HPS3: variants seen among roughly 807,000 people sequenced by gnomAD.
HPS3 encodes HPS3 biogenesis of lysosomal organelles complex 2 subunit 1, also known as BLOC-2 complex member HPS3.
In HPS3, 79 loss-of-function variants were observed where a neutral mutation model predicts 110.9. The ratio of observed to expected loss-of-function variants is 0.71; its 90% CI spans 0.59 to 0.86. The LOEUF is 0.86. HPS3 is among the 40% of genes least tolerant of loss of function. HPS3 has a pLI of 0.00. For missense variants in HPS3, 1,197 were observed against 1,206.2 expected, an observed-to-expected ratio of 0.99 and a Z score of 0.11; for synonymous variants, 428 against 451.0, an observed-to-expected ratio of 0.95 and a Z score of 0.65.
At chr3:149,154,806 A>T (rs987661639) in intron 7 of HPS3, among the ~76,000 whole-genome samples, 1 of 152,206 alleles carries the variant, frequency 6.6e-6, no homozygotes, top group African/African-American at 2.4e-5. Flanking sequence ...GCAGTCAAGG[A>T]TCTTTTCCTC....
chr3:149,150,495 T>G, intron 5 of HPS3, 104 bp from the exon 6 acceptor site: 1 of 798,924 alleles, frequency 1.3e-6, no homozygotes, highest in Non-Finnish European at 2.2e-6. Context: ...AATACTTGAC[T>G]GTCACCCCTG....
At chr3:149,157,228 C>A in intron 8 of HPS3, 122 bp from the exon 9 acceptor site, 2 of 904,488 alleles carry the variant, frequency 2.2e-6, no homozygotes, top group Non-Finnish European at 3.5e-6. Flanking sequence ...ATTTTGTTTA[C>A]TTTTAGGGTT....
rs1459143705 is a variant in HPS3 at position 149,129,658 on chromosome 3, G to T, written c.-66G>T. 35 of 1,259,900 alleles carry T rather than the reference G, an allele frequency of 2.8e-5. No homozygotes were observed. The highest frequency in any genetic ancestry group is 3.6e-5 in the Non-Finnish European group (34 of 940,924). The allele number at this position is 1,259,900 out of a possible 1,614,324, so 78.0% of individuals were successfully genotyped here. A position where few individuals can be genotyped will look rare whatever the true frequency, so the allele number is the denominator to read the frequency against. On this transcript the variant is annotated 5_prime_UTR_variant, in exon 1 of 17. Transcript: ENST00000296051. ...CTCGCGGAAGTAGTCCTACATTCGC[G>T]GTCAGCGCGGGGTCTCCGGGCGCCC...
chr3:149,133,656 C>G (rs912071465), intron 1 of HPS3, among the ~76,000 whole-genome samples: 3 of 152,186 alleles, frequency 2.0e-5, no homozygotes, highest in Non-Finnish European at 4.4e-5. Context: ...GTGACCACCA[C>G]CCTGATCAGT....
chr3:149,162,859 T>C lies in HPS3; in HGVS notation c.2462T>C (p.Leu821Ser). 1 of 1,613,790 alleles carries C rather than the reference T, an allele frequency of 6.2e-7. No homozygotes were observed. The highest frequency in any genetic ancestry group is 1.1e-5 in the South Asian group (1 of 91,084). ...SKRQPPDTTP[L>S]RTSEDLINAC... ...AGGCAGCCTCCTGACACCACACCAT[T>C]GCGAACATCGGAGGATCTGGTAAGA... is the stretch of plus-strand genomic sequence containing the variant. Residue 821 changes from leucine (L) to serine (S), a missense_variant, in exon 13 of 17, where the codon TTG becomes TCG. Coordinates refer to ENST00000296051, the MANE Select transcript of HPS3 (RefSeq NM_032383.5).
intron 9 of HPS3, 75 bp from the exon 10 acceptor site, chr3:149,158,591 C>A (rs1000886705): frequency 1.3e-5 from 18 of 1,349,422 alleles, no homozygotes; most frequent in Non-Finnish European, 1.7e-5. Context: ...AGTTTGAAAT[C>A]AGTCTGGGCA....
In HPS3 at chr3:149,153,479, A is replaced by T; in HGVS notation, c.1246-15A>T. The T allele has an allele frequency of 1.2e-6, 2 of 1,610,244 alleles. No homozygotes were observed. The highest frequency in any genetic ancestry group is 1.7e-6 in the Non-Finnish European group (2 of 1,176,538). ...CCTTTATTTCTTGCTTAAATATGTG[A>T]TTTTCCTTTACTAGGCTTGCCCACC... On this transcript the variant is annotated splice_polypyrimidine_tract_variant and intron_variant, in intron 6 of 16. Coordinates refer to ENST00000296051, the MANE Select transcript of HPS3 (RefSeq NM_032383.5).
chr3:149,159,903 T>C, intron 10 of HPS3, 143 bp from the exon 11 acceptor site: 3 of 671,030 alleles, frequency 4.5e-6, no homozygotes, highest in Middle Eastern at 3.9e-4. Context: ...TTTTGTCTTT[T>C]TAAAATTAAA....
Position 149,140,213 on chromosome 3 carries a change from C to T in HPS3, c.427C>T (p.Pro143Ser), listed in dbSNP as rs559742301. Residue 143 changes from proline (P) to serine (S), a missense_variant, in exon 2 of 17, where the codon CCT becomes TCT. Pro to Ser is a moderately conservative substitution (Grantham distance 74). Transcript: ENST00000296051. ...GGCCCCCTTGTGCATTTCCTGTTGC[C>T]CTGTGAAAGGAGACCTTCTCGTTGG... ...SEAPLCISCCPVKGDLLVGCT... is the reference protein window; with the variant it reads ...SEAPLCISCCSVKGDLLVGCT... The T allele has an allele frequency of 1.2e-5, 20 of 1,614,026 alleles. No homozygotes were observed. The South Asian group carries it at 2.1e-4, about 17-fold the overall frequency.
At position 149,142,949 on chromosome 3, in the gene HPS3, T is replaced by C. The variant is rs150832716; in HGVS notation, c.970+1569T>C. Among the ~76,000 whole-genome samples, 583 of 152,052 alleles carry C rather than the reference T, an allele frequency of 3.8e-3. 4 individuals are homozygous for C. Among genetic ancestry groups the C allele is most frequent in the African/African-American group, 0.013 (549 of 41,444 alleles). On this transcript the variant is annotated intron_variant, in intron 4 of 16. Transcript: ENST00000296051. The stretch of plus-strand genomic sequence containing the variant: ...AATTGGACTCACTTGGGAATAGGGT[T>C]GGGTTGGTGCAGGGGAGGGGAAGAG...
chr3:149,136,689 G>C (rs1356182052), intron 1 of HPS3, among the ~76,000 whole-genome samples: 6 of 152,188 alleles, frequency 3.9e-5, no homozygotes, highest in African/African-American at 9.7e-5. Flanking sequence ...GAACTCTAAA[G>C]CTCTGATCAT....
chr3:149,162,629 C>G, intron 12 of HPS3, 61 bp from the exon 13 acceptor site: 1 of 1,532,730 alleles, frequency 6.5e-7, no homozygotes, highest in Non-Finnish European at 9.0e-7. Flanking sequence ...TTCAGCCCAG[C>G]TGTCGCTTTA....
Position 149,160,243 on chromosome 3 carries a change from T to G in HPS3, c.2070T>G (p.Leu690=), listed in dbSNP as rs2108163237. ...CAGTGGCTCTGAAAATGGGAGATCTTGACATGCACAGAAATGAAATGAAAA... is the reference window on the plus strand; with the variant it reads ...CAGTGGCTCTGAAAATGGGAGATCTGGACATGCACAGAAATGAAATGAAAA... The part of the protein sequence containing the change: ...KAAVALKMGD[L]DMHRNEMKSH... The change falls in exon 11 of 17, where the codon CTT becomes CTG. Residue 690 remains leucine, a synonymous_variant. Coordinates refer to ENST00000296051, the MANE Select transcript of HPS3 (RefSeq NM_032383.5). 1 of 1,613,730 alleles carries G rather than the reference T, an allele frequency of 6.2e-7. No individual in the cohort carries two copies. Among genetic ancestry groups the G allele is most frequent in the Middle Eastern group, 1.7e-4 (1 of 6,054 alleles).
chr3:149,148,458 A>C lies in HPS3; in HGVS notation c.1164-2141A>C, dbSNP rs184707300. Among the ~76,000 whole-genome samples, 165 of 131,404 alleles carry C rather than the reference A, an allele frequency of 1.3e-3. No homozygotes were observed. In the Middle Eastern group the frequency reaches 0.015, roughly 12 times the overall value. 86.2% of individuals were successfully genotyped at this position (131,404 alleles called of 152,430 possible). A position where few individuals can be genotyped will look rare whatever the true frequency, so the allele number is the denominator to read the frequency against. ...CGCTCTGTCGCCCAGGTTGGAGTGC[A>C]GTGGCGTGATCTCAGCTCACTGCAA... is the stretch of plus-strand genomic sequence containing the variant. On this transcript the variant is annotated intron_variant, in intron 5 of 16. Coordinates refer to ENST00000296051, the MANE Select transcript of HPS3 (RefSeq NM_032383.5).
chr3:149,166,756 C>A (rs1204843811), intron 14 of HPS3, among the ~76,000 whole-genome samples: 4 of 152,012 alleles, frequency 2.6e-5, no homozygotes, highest in Admixed American at 6.6e-5. Context: ...CTAAAGAATG[C>A]CCATTGGTTT....
Position 149,173,568 on chromosome 3 carries a change from C to T in HPS3, c.*1346C>T. 1 of 569,222 alleles carries T rather than the reference C, an allele frequency of 1.8e-6. No homozygotes were observed. Among genetic ancestry groups the T allele is most frequent in the Non-Finnish European group, 3.1e-6 (1 of 319,466 alleles). The allele number at this position is 569,222 out of a possible 1,614,324, so 35.3% of individuals were successfully genotyped here. On this transcript the variant is annotated 3_prime_UTR_variant, in exon 17 of 17. Transcript: ENST00000296051. ...ATTTGCAAAAAATTAATAGTTTTCC[C>T]CCACAAATGTACAAAGTTGTATGCT...
At chr3:149,140,608 A>T (rs779023862) in intron 2 of HPS3, 110 bp downstream of exon 2, 2 of 1,161,828 alleles carry the variant, frequency 1.7e-6, no homozygotes, top group Non-Finnish European at 2.5e-6. Context: ...TTATTTATAG[A>T]TTTAGTTATT....
intron 12 of HPS3, 136 bp downstream of exon 12, chr3:149,162,469 A>G (rs1723966730): frequency 3.3e-6 from 3 of 906,952 alleles, no homozygotes; most frequent in African/African-American, 1.7e-5. Flanking sequence ...TTTATAAGAT[A>G]AAAGTACTAA....
At chr3:149,160,337 G>A (rs1162127831) in intron 11 of HPS3, 58 bp downstream of exon 11, 8 of 1,091,646 alleles carry the variant, frequency 7.3e-6, no homozygotes, top group Non-Finnish European at 1.1e-5. Context: ...TAATCCTGAA[G>A]TGTTTAGCTG....
Sources: gnomAD v4.1 joint callset for allele counts (sites outside exome capture counted in the v4.1 genomes callset) on GRCh38, gnomAD v4.1.1 for gene constraint, MANE v1.5 for transcripts, NCBI Gene and HGNC (gene_info 2026-07-23, HGNC 2026-07-21) for gene names.